Variants in BTBD9 observed in about 807,000 individuals in gnomAD.
BTBD9 encodes the protein BTB/POZ domain-containing protein 9.
In BTBD9, 49 loss-of-function variants were observed where a neutral mutation model predicts 64.3. That is an observed-to-expected ratio of 0.76 (90% confidence interval 0.61 to 0.97). The LOEUF is 0.97. Ranked by LOEUF, BTBD9 falls within the 50% of genes least tolerant of loss-of-function variation. The pLI is 0.00. For synonymous variants in BTBD9, 260 were observed against 274.7 expected (o/e 0.95, Z 0.53); for missense variants, 598 against 762.1 (o/e 0.78, Z 2.53).
chr6:38,244,237 C>T lies in BTBD9; in HGVS notation c.1562+12172G>A, dbSNP rs544507231. 1.2e-4 allele frequency among the ~76,000 whole-genome samples: 18 copies of T among 152,286 alleles called. No homozygotes were observed. In the East Asian group the frequency reaches 3.3e-3, roughly 28 times the overall value. ...ATGTGCAGCAGGTCCCTTGTCTGTA[C>T]ACCCATTTCAGGGGAGGGGTTAATC... On this transcript the variant is annotated intron_variant, in intron 9 of 10. Transcript: ENST00000481247.
At chr6:38,288,902 G>T (rs954122865) in intron 7 of BTBD9, among the ~76,000 whole-genome samples, 9 of 152,266 alleles carry the variant, frequency 5.9e-5, no homozygotes, top group Admixed American at 5.9e-4. Flanking sequence ...GCTCCAGCCT[G>T]GGTGACAGAG....
intron 2 of BTBD9, 140 bp from the exon 3 acceptor site, chr6:38,594,467 T>C (rs1160042024): frequency 4.9e-6 from 5 of 1,023,914 alleles, no homozygotes; most frequent in Non-Finnish European, 6.8e-6. Context: ...TGCAAAGTAA[T>C]CATTTAAAAT....
chr6:38,195,230 C>T (rs1367160092), intron 9 of BTBD9, among the ~76,000 whole-genome samples: 2 of 152,216 alleles, frequency 1.3e-5, no homozygotes, highest in Non-Finnish European at 2.9e-5. Context: ...CTCAAAGGAG[C>T]TGCCTTGGCT....
At position 38,396,800 on chromosome 6, in the gene BTBD9, G is replaced by A. The variant is rs150997639; in HGVS notation, c.1155-51707C>T. Reference sequence around the variant, plus strand: ...GTATTTAAAAGAAAATTTTAAACACGCCGCTTTTTATGTTGATTACATGTT... The same window carrying A: ...GTATTTAAAAGAAAATTTTAAACACACCGCTTTTTATGTTGATTACATGTT... On this transcript the variant is annotated intron_variant, in intron 6 of 10. Transcript: ENST00000481247. Among the ~76,000 whole-genome samples the A allele has an allele frequency of 1.5e-4, 23 of 151,888 alleles. No homozygotes were observed. In the East Asian group the frequency reaches 3.1e-3, roughly 20 times the overall value.
intron 6 of BTBD9, among the ~76,000 whole-genome samples, chr6:38,421,230 C>T (rs1767890671): frequency 6.6e-6 from 1 of 152,012 alleles, no homozygotes; most frequent in Non-Finnish European, 1.5e-5. Context: ...GTGATGGGTG[C>T]CTGTAATCCC....
intron 6 of BTBD9, among the ~76,000 whole-genome samples, chr6:38,412,813 C>T (rs1767492995): frequency 6.6e-6 from 1 of 151,902 alleles, no homozygotes; most frequent in Non-Finnish European, 1.5e-5. Flanking sequence ...GAGCCGAGAT[C>T]AGACCACTGC....
intron 7 of BTBD9, among the ~76,000 whole-genome samples, chr6:38,327,114 A>G (rs1763469412): frequency 6.6e-6 from 1 of 152,152 alleles, no homozygotes; most frequent in Admixed American, 6.5e-5. Flanking sequence ...TGATAATTTT[A>G]CCACAGGTAA....
intron 6 of BTBD9, among the ~76,000 whole-genome samples, chr6:38,461,592 T>C (rs1397147420): frequency 1.3e-5 from 2 of 152,220 alleles, no homozygotes; most frequent in Non-Finnish European, 2.9e-5. Flanking sequence ...TGGTTCCAGT[T>C]TTGCATATTA....
chr6:38,600,682 G>C (rs56331529), intron 1 of BTBD9, among the ~76,000 whole-genome samples: 99,213 of 151,372 alleles, frequency 0.66, 32,833 homozygotes, highest in African/African-American at 0.76. Context: ...ATATTTTATT[G>C]AGGTCATGGC....
intron 7 of BTBD9, among the ~76,000 whole-genome samples, chr6:38,317,623 T>G (rs556886151): frequency 6.6e-6 from 1 of 152,286 alleles, no homozygotes; most frequent in South Asian, 2.1e-4. Context: ...GGCCAATAAC[T>G]CTTAGGTTTG....
intron 6 of BTBD9, among the ~76,000 whole-genome samples, chr6:38,433,059 T>A (rs1768514429): frequency 1.3e-5 from 2 of 151,994 alleles, no homozygotes; most frequent in Admixed American, 6.6e-5. Context: ...TAGCCCTATA[T>A]GATCAGGCTC....
At chr6:38,318,812 G>A (rs932049272) in intron 7 of BTBD9, among the ~76,000 whole-genome samples, 5 of 152,166 alleles carry the variant, frequency 3.3e-5, no homozygotes, top group Admixed American at 2.0e-4. Context: ...TCTACAATCA[G>A]CAGGTAGTGA....
At chr6:38,591,084 T>C (rs749625910) in intron 4 of BTBD9, among the ~76,000 whole-genome samples, 13 of 152,148 alleles carry the variant, frequency 8.5e-5, no homozygotes, top group Non-Finnish European at 1.8e-4. Flanking sequence ...GGATCAGTCT[T>C]TCAAAACCAC....
At chr6:38,342,094 AAAT>A (rs1234112061) in intron 7 of BTBD9, among the ~76,000 whole-genome samples, 1 of 152,206 alleles carries the variant, frequency 6.6e-6, no homozygotes, top group African/African-American at 2.4e-5. Context: ...TATATATTTT[AAAT>A]AATAACATTA....
intron 10 of BTBD9, among the ~76,000 whole-genome samples, chr6:38,186,466 ACT>A (rs1761824281): frequency 6.6e-6 from 1 of 152,104 alleles, no homozygotes; most frequent in Admixed American, 6.5e-5. Flanking sequence ...GACTATAGAA[ACT>A]CTGTATTGGA....
chr6:38,508,853 C>T (rs1772655982), intron 6 of BTBD9, among the ~76,000 whole-genome samples: 1 of 152,036 alleles, frequency 6.6e-6, no homozygotes, highest in Non-Finnish European at 1.5e-5. Flanking sequence ...GTATTCATAC[C>T]CTCCCCACCC....
intron 6 of BTBD9, among the ~76,000 whole-genome samples, chr6:38,528,177 G>A (rs2127426679): frequency 6.6e-6 from 1 of 152,236 alleles, no homozygotes; most frequent in East Asian, 1.9e-4. Context: ...TGTCACAGTG[G>A]AAAGCAGCAC....
At chr6:38,182,948 C>T (rs1198810598) in intron 10 of BTBD9, among the ~76,000 whole-genome samples, 2 of 151,424 alleles carry the variant, frequency 1.3e-5, no homozygotes, top group African/African-American at 4.9e-5. Context: ...TCATAACAAA[C>T]ATTTAAATAT....
chr6:38,225,932 G>A (rs1763379692), intron 9 of BTBD9, among the ~76,000 whole-genome samples: 3 of 152,174 alleles, frequency 2.0e-5, no homozygotes, highest in Non-Finnish European at 4.4e-5. Flanking sequence ...AACAATACTG[G>A]TACTTGATGA....
Sources: gnomAD v4.1 joint callset for allele counts (sites outside exome capture counted in the v4.1 genomes callset) on GRCh38, gnomAD v4.1.1 for gene constraint, MANE v1.5 for transcripts, NCBI Gene and HGNC (gene_info 2026-07-23, HGNC 2026-07-21) for gene names.